The following PAK1 variants were observed in gnomAD, a reference collection of about 807,000 sequenced individuals.
The protein encoded by PAK1 is serine/threonine-protein kinase PAK 1.
A neutral mutation model predicts 67.4 loss-of-function variants in PAK1; 29 were observed. The observed-to-expected ratio is 0.43, with a 90% confidence interval of 0.32 to 0.59. The LOEUF is 0.59. Ranked by LOEUF, PAK1 falls within the 20% of genes least tolerant of loss-of-function variation. The pLI, the probability that PAK1 is intolerant of heterozygous loss-of-function variation, is 0.07. For missense variants in PAK1, 337 were observed against 670.7 expected, an observed-to-expected ratio of 0.50 and a Z score of 5.50; for synonymous variants, 223 against 237.4, an observed-to-expected ratio of 0.94 and a Z score of 0.56.
intron 9 of PAK1, among the ~76,000 whole-genome samples, chr11:77,348,921 C>T (rs1374469715): frequency 6.6e-6 from 1 of 152,016 alleles, no homozygotes; most frequent in Non-Finnish European, 1.5e-5. Context: ...GTCAGGAGTT[C>T]GAGAGCAGCC....
intron 1 of PAK1, among the ~76,000 whole-genome samples, chr11:77,394,952 A>G (rs1169766599): frequency 6.6e-6 from 1 of 152,168 alleles, no homozygotes; most frequent in Non-Finnish European, 1.5e-5. Context: ...AAATGCACCA[A>G]TTAGCCTCAT....
chr11:77,523,505 C>T, the PAK1 span, among the ~76,000 whole-genome samples: 2 of 151,792 alleles, frequency 1.3e-5, no homozygotes, highest in East Asian at 1.9e-4. Flanking sequence ...CCACAACCTC[C>T]ACCTCCCAGA....
intron 1 of PAK1, among the ~76,000 whole-genome samples, chr11:77,449,838 A>T (rs908864836): frequency 5.9e-5 from 9 of 152,246 alleles, no homozygotes; most frequent in African/African-American, 2.2e-4. Context: ...TCAATTTTTT[A>T]AAAATTCTGT....
At chr11:77,331,757 C>A (rs756236087) in intron 14 of PAK1, among the ~76,000 whole-genome samples, 1 of 120,092 alleles carries the variant, frequency 8.3e-6, no homozygotes, top group Non-Finnish European at 1.7e-5. Flanking sequence ...GCACGTTGTG[C>A]ACATGTACCC....
chr11:77,509,786 C>T, the PAK1 span, among the ~76,000 whole-genome samples: 4 of 152,220 alleles, frequency 2.6e-5, no homozygotes, highest in Non-Finnish European at 4.4e-5. Context: ...GAAGTGCCTA[C>T]TTCTGCTTCA....
chr11:77,514,466 G>A, the PAK1 span, among the ~76,000 whole-genome samples: 959 of 152,322 alleles, frequency 6.3e-3, 5 homozygotes, highest in Non-Finnish European at 1.0e-2. Flanking sequence ...CCGCACACCA[G>A]CCTGGGCGAC....
chr11:77,428,865 C>T (rs146722334), intron 1 of PAK1, among the ~76,000 whole-genome samples: 2 of 151,422 alleles, frequency 1.3e-5, no homozygotes, highest in Non-Finnish European at 2.9e-5. Flanking sequence ...CATGGAAGAG[C>T]ACCCTGCTAT....
At chr11:77,431,351 T>C (rs1955850233) in intron 1 of PAK1, among the ~76,000 whole-genome samples, 1 of 152,214 alleles carries the variant, frequency 6.6e-6, no homozygotes, top group Non-Finnish European at 1.5e-5. Flanking sequence ...TGAGAGATTA[T>C]GCAATAGAAG....
intron 5 of PAK1, among the ~76,000 whole-genome samples, chr11:77,370,516 C>T (rs1340075657): frequency 6.6e-6 from 1 of 152,174 alleles, no homozygotes; most frequent in Non-Finnish European, 1.5e-5. Context: ...ATGACTCTTT[C>T]CTGCTTCTTG....
intron 7 of PAK1, among the ~76,000 whole-genome samples, chr11:77,354,914 T>A (rs1301941464): frequency 6.6e-6 from 1 of 152,194 alleles, no homozygotes; most frequent in Non-Finnish European, 1.5e-5. Flanking sequence ...TTCTGCAGTT[T>A]ACTGAAACAC....
At chr11:77,433,784 A>C (rs958532543) in intron 1 of PAK1, among the ~76,000 whole-genome samples, 4 of 152,236 alleles carry the variant, frequency 2.6e-5, no homozygotes, top group Admixed American at 6.5e-5. Flanking sequence ...GTCTCAAAAA[A>C]TAAATAAACA....
chr11:77,404,410 G>A (rs1953161939), intron 1 of PAK1, among the ~76,000 whole-genome samples: 1 of 152,032 alleles, frequency 6.6e-6, no homozygotes, highest in Admixed American at 6.6e-5. Flanking sequence ...TAGAACTACA[G>A]ACACAGGCCA....
chr11:77,348,764 T>C (rs2136365463), intron 9 of PAK1, among the ~76,000 whole-genome samples: 1 of 152,318 alleles, frequency 6.6e-6, no homozygotes, highest in East Asian at 1.9e-4. Flanking sequence ...TATTTCACCT[T>C]AGTCCAAACC....
At chr11:77,448,581 G>T (rs979333623) in intron 1 of PAK1, among the ~76,000 whole-genome samples, 1 of 152,192 alleles carries the variant, frequency 6.6e-6, no homozygotes, top group Non-Finnish European at 1.5e-5. Flanking sequence ...ATTTGAACTT[G>T]GTCTTGAAGG....
At chr11:77,327,479 T>A (rs1940278522) in intron 14 of PAK1, among the ~76,000 whole-genome samples, 1 of 152,182 alleles carries the variant, frequency 6.6e-6, no homozygotes, top group African/African-American at 2.4e-5. Context: ...GGGCCAATAT[T>A]CAACATTCTT....
At chr11:77,521,229 G>A in the PAK1 span, among the ~76,000 whole-genome samples, 1 of 152,064 alleles carries the variant, frequency 6.6e-6, no homozygotes, top group Non-Finnish European at 1.5e-5. Flanking sequence ...TTGGAATTGA[G>A]TTTGGGTCAA....
chr11:77,485,477 A>AC, the PAK1 span, among the ~76,000 whole-genome samples: 1 of 151,920 alleles, frequency 6.6e-6, no homozygotes, highest in East Asian at 1.9e-4. Flanking sequence ...TTAAAATAAA[A>AC]AAAAATTTTT....
chr11:77,490,068 C>T, the PAK1 span, among the ~76,000 whole-genome samples: 94 of 150,968 alleles, frequency 6.2e-4, 1 homozygote, highest in African/African-American at 2.2e-3. Flanking sequence ...GGCCGCCCAT[C>T]GTCTGAGATG....
intron 1 of PAK1, among the ~76,000 whole-genome samples, chr11:77,393,285 A>AAAGAG (rs985790711): frequency 9.2e-5 from 13 of 141,830 alleles, no homozygotes; most frequent in South Asian, 2.3e-4. Context: ...TAAAAAAAAA[A>AAAGAG]AGAGAGAGAG....
Sources: allele counts gnomAD v4.1 joint callset (sites outside exome capture counted in the v4.1 genomes callset), GRCh38; gene constraint gnomAD v4.1.1; transcripts MANE v1.5; gene names NCBI Gene and HGNC (gene_info 2026-07-23, HGNC 2026-07-21).